ALG14: variants seen among roughly 807,000 people sequenced by gnomAD.
The protein encoded by ALG14 is ALG14 UDP-N-acetylglucosaminyltransferase subunit, also known as UDP-N-acetylglucosamine transferase subunit ALG14.
A neutral mutation model predicts 22.8 loss-of-function variants in ALG14; 17 were observed. That is an observed-to-expected ratio of 0.75 (90% confidence interval 0.51 to 1.12). The LOEUF (loss-of-function observed/expected upper bound fraction) is 1.12, where lower values mean the gene tolerates loss of function less well. Among genes scored for constraint, ALG14 ranks in the 50% most tolerant of loss-of-function variants. ALG14 has a pLI of 0.00. For synonymous variants in ALG14, 89 were observed against 103.7 expected, an observed-to-expected ratio of 0.86 and a Z score of 0.86; for missense variants, 288 against 271.8, an observed-to-expected ratio of 1.06 and a Z score of -0.42.
intron 2 of ALG14, among the ~76,000 whole-genome samples, chr1:95,045,688 A>C (rs370683876): frequency 7.7e-6 from 1 of 129,804 alleles, no homozygotes; most frequent in South Asian, 2.4e-4. Flanking sequence ...TTAGCATACT[A>C]TATACTAATA....
At position 94,981,368 on chromosome 1, in the gene ALG14, A is replaced by G. The variant is rs1266493982; in HGVS notation, c.*1708T>C. 5.3e-5 allele frequency: 8 copies of G among 151,402 alleles called. No homozygotes were observed. In the East Asian group the frequency reaches 1.4e-3, roughly 26 times the overall value. The allele number at this position is 151,402 out of a possible 1,614,324, so 9.4% of individuals were successfully genotyped here. A position where few individuals can be genotyped will look rare whatever the true frequency, so the allele number is the denominator to read the frequency against. On this transcript the variant is annotated 3_prime_UTR_variant, in exon 4 of 4. Coordinates refer to ENST00000370205, the MANE Select transcript of ALG14 (RefSeq NM_144988.4). ...CATTCTGAGACACCTTCGGCTACAC[A>G]TTTCTCCAGCCAAAAACCTAGGAAG...
intron 3 of ALG14, among the ~76,000 whole-genome samples, chr1:95,014,018 T>C (rs772796847): frequency 6.6e-6 from 1 of 152,108 alleles, no homozygotes; most frequent in East Asian, 1.9e-4. Context: ...TGGTCTATAG[T>C]TTACCCTTTA....
intron 2 of ALG14, among the ~76,000 whole-genome samples, chr1:95,033,531 C>T (rs561651831): frequency 6.6e-6 from 1 of 151,550 alleles, no homozygotes; most frequent in Admixed American, 6.6e-5. Flanking sequence ...GGCCTTTCTA[C>T]AGTGACTTAA....
intron 3 of ALG14, among the ~76,000 whole-genome samples, chr1:95,018,283 C>T (rs1000547029): frequency 6.6e-6 from 1 of 152,038 alleles, no homozygotes; most frequent in Non-Finnish European, 1.5e-5. Context: ...GGTCTGTAAT[C>T]CCAGCACTTT....
chr1:95,027,890 C>T (rs1386412401), intron 2 of ALG14, among the ~76,000 whole-genome samples: 1 of 152,206 alleles, frequency 6.6e-6, no homozygotes, highest in Non-Finnish European at 1.5e-5. Flanking sequence ...ATATATCCCA[C>T]AGATTACCCC....
Position 95,040,028 on chromosome 1 carries a change from C to T in ALG14, c.289-12768G>A, listed in dbSNP as rs749077961. Among the ~76,000 whole-genome samples, 8 of 151,978 alleles carry T rather than the reference C, an allele frequency of 5.3e-5. 1 individual carries two copies. The Middle Eastern group carries it at 0.024, about 452-fold the overall frequency. ...TCTCTACAAAAAATACAATATTAGC[C>T]AGGTGTGGTGGCTCGCACCTGTGGT... On this transcript the variant is annotated intron_variant, in intron 2 of 3. Coordinates refer to ENST00000370205, the MANE Select transcript of ALG14 (RefSeq NM_144988.4).
intron 2 of ALG14, among the ~76,000 whole-genome samples, chr1:95,031,171 G>A (rs892041011): frequency 3.3e-5 from 5 of 152,168 alleles, no homozygotes; most frequent in Admixed American, 6.5e-5. Flanking sequence ...CATAATTATT[G>A]ATAGTGCCCC....
At chr1:95,024,762 A>G (rs1253357246) in intron 3 of ALG14, among the ~76,000 whole-genome samples, 1 of 152,164 alleles carries the variant, frequency 6.6e-6, no homozygotes, top group East Asian at 1.9e-4. Context: ...TCATCATGAG[A>G]TTTTAGGAAT....
chr1:95,028,174 G>A (rs1673883285), intron 2 of ALG14, among the ~76,000 whole-genome samples: 1 of 151,884 alleles, frequency 6.6e-6, no homozygotes, highest in South Asian at 2.1e-4. Flanking sequence ...TTTGAGACAA[G>A]GTCTCACTCT....
At chr1:95,024,064 C>T (rs1374493722) in intron 3 of ALG14, among the ~76,000 whole-genome samples, 6 of 152,170 alleles carry the variant, frequency 3.9e-5, no homozygotes, top group African/African-American at 1.4e-4. Flanking sequence ...CTTTTCTATT[C>T]TTCTCCTTGA....
chr1:95,019,736 T>C (rs1001337395), intron 3 of ALG14, among the ~76,000 whole-genome samples: 1 of 152,152 alleles, frequency 6.6e-6, no homozygotes, highest in Non-Finnish European at 1.5e-5. Context: ...ATCCCAGGAC[T>C]TTGGGAGGCC....
intron 2 of ALG14, among the ~76,000 whole-genome samples, chr1:95,033,396 TAC>T (rs1674075052): frequency 7.4e-6 from 1 of 135,510 alleles, no homozygotes; most frequent in Non-Finnish European, 1.6e-5. Context: ...CATACATACA[TAC>T]ATACATATAT....
chr1:95,027,053 A>G, intron 3 of ALG14, 76 bp downstream of exon 3: 1 of 1,536,316 alleles, frequency 6.5e-7, no homozygotes, highest in Non-Finnish European at 8.9e-7. Flanking sequence ...GCTGTTTAAG[A>G]AAACAGTATG....
intron 2 of ALG14, among the ~76,000 whole-genome samples, chr1:95,032,057 C>T (rs573240776): frequency 4.0e-4 from 61 of 152,250 alleles, no homozygotes; most frequent in Middle Eastern, 3.4e-3. Flanking sequence ...GATCTGCCCA[C>T]CTCGGCCTCC....
intron 3 of ALG14, among the ~76,000 whole-genome samples, chr1:94,988,671 T>C (rs1191148630): frequency 6.6e-6 from 1 of 152,168 alleles, no homozygotes; most frequent in Non-Finnish European, 1.5e-5. Context: ...AATGACCACA[T>C]AGAAAAGGGT....
rs565763156 is a variant in ALG14, at chr1:94,980,045, G to A, written c.*3031C>T. ...CATTGCTATCAAATGCCTTTTGGGG[G>A]ATGGGGCTTTTCAGAAAAAAAAAAA... On this transcript the variant is annotated 3_prime_UTR_variant, in exon 4 of 4. Transcript: ENST00000370205. 2 of 107,944 alleles carry A rather than the reference G, an allele frequency of 1.9e-5. No individual in the cohort carries two copies. Among genetic ancestry groups the A allele is most frequent in the East Asian group, 3.6e-4 (1 of 2,746 alleles). The allele number at this position is 107,944 out of a possible 1,614,324, so 6.7% of individuals were successfully genotyped here.
chr1:95,016,227 G>A (rs1673490800), intron 3 of ALG14, among the ~76,000 whole-genome samples: 1 of 152,042 alleles, frequency 6.6e-6, no homozygotes, highest in African/African-American at 2.4e-5. Flanking sequence ...CATTTGTTGT[G>A]TGGTCAGAGA....
chr1:94,984,601 T>C (rs1672589308), intron 3 of ALG14, among the ~76,000 whole-genome samples: 1 of 152,258 alleles, frequency 6.6e-6, no homozygotes, highest in African/African-American at 2.4e-5. Context: ...CTGTCTTTTA[T>C]GGAGAATTTG....
At chr1:95,066,796 G>A (rs1201967464) in intron 1 of ALG14, among the ~76,000 whole-genome samples, 1 of 152,022 alleles carries the variant, frequency 6.6e-6, no homozygotes, top group Admixed American at 6.6e-5. Flanking sequence ...CTATTCAGGA[G>A]GCTGAGGCAG....
Sources: allele counts gnomAD v4.1 joint callset (sites outside exome capture counted in the v4.1 genomes callset), GRCh38; gene constraint gnomAD v4.1.1; transcripts MANE v1.5; gene names NCBI Gene and HGNC (gene_info 2026-07-23, HGNC 2026-07-21).